GPR17: variants seen among roughly 807,000 people sequenced by gnomAD.
The protein encoded by GPR17 is uracil nucleotide/cysteinyl leukotriene receptor.
A neutral mutation model predicts 1.5 loss-of-function variants in GPR17; 4 were observed. The observed-to-expected ratio is 2.73, with a 90% CI of 1.35 to 6.25. The LOEUF (loss-of-function observed/expected upper bound fraction) is 6.25, where lower values mean the gene tolerates loss of function less well. Among genes scored for constraint, GPR17 ranks in the 30% most tolerant of loss-of-function variants. GPR17 has a pLI of 0.00. For synonymous variants in GPR17, 209 were observed against 207.6 expected (o/e 1.01, Z -0.06); for missense variants, 463 against 462.1 (o/e 1.00, Z -0.02).
At chr2:127,649,183 G>GGAAA (rs1683417600) in intron 1 of GPR17, among the ~76,000 whole-genome samples, 3 of 63,200 alleles carry the variant, frequency 4.7e-5, no homozygotes, top group Non-Finnish European at 1.1e-4. Context: ...AAGGAAGGAA[G>GGAAA]GAAGGAAGGA....
rs368990034 is a variant in GPR17 at position 127,651,780 on chromosome 2, C to T, written c.*25C>T. 1.4e-4 allele frequency: 230 copies of T among 1,601,868 alleles called. No individual in the cohort carries two copies. The highest frequency in any genetic ancestry group is 1.8e-4 in the Non-Finnish European group (212 of 1,172,722). ...AGCGGGGGGCGCCGTCCAGGCCGAG[C>T]GCAGACTGTTTAGGACTCAGCAGAC... On this transcript the variant is annotated 3_prime_UTR_variant, in exon 2 of 2. Transcript: ENST00000486700.
intron 1 of GPR17, chr2:127,649,861 G>A: frequency 1.5e-6 from 1 of 671,424 alleles, no homozygotes; most frequent in Non-Finnish European, 2.5e-6. Flanking sequence ...GCGCTGGCCA[G>A]TGTCTCTGAC....
At position 127,647,252 on chromosome 2, in the gene GPR17, G is replaced by A. The variant is rs548699470; in HGVS notation, c.-21+1008G>A. On this transcript the variant is annotated intron_variant, in intron 1 of 1. Coordinates refer to ENST00000486700, the MANE Select transcript of GPR17 (RefSeq NM_001161417.2). This position sits in a 1 kb window ranked among gnomAD's most constrained non-coding sequence, Gnocchi z 4.3. Reference sequence around the variant, plus strand: ...AGGGAGTGGCCCCAGGGCCAGGAGGGGGTGCTGAGCCTGGGAGACAACTCC... The same window carrying A: ...AGGGAGTGGCCCCAGGGCCAGGAGGAGGTGCTGAGCCTGGGAGACAACTCC... Among the ~76,000 whole-genome samples the A allele has an allele frequency of 3.9e-5, 6 of 152,254 alleles. No homozygotes were observed. The highest frequency in any genetic ancestry group is 4.1e-4 in the South Asian group (2 of 4,828).
At position 127,651,661 on chromosome 2, in the gene GPR17, G is replaced by A; in HGVS notation, c.926G>A (p.Cys309Tyr). Reference sequence around the variant, plus strand: ...GCTGAGAAGTTCCGCCACGCCCTGTGCAACTTGCTCTGTGGCAAAAGGCTC... The same window carrying A: ...GCTGAGAAGTTCCGCCACGCCCTGTACAACTTGCTCTGTGGCAAAAGGCTC... ...FVAEKFRHAL[C>Y]NLLCGKRLKG... The change falls in exon 2 of 2, where the codon TGC becomes TAC. Residue 309 changes from cysteine to tyrosine, a missense_variant. Transcript: ENST00000486700. 1.2e-6 allele frequency: 2 copies of A among 1,613,444 alleles called. No homozygotes were observed. Among genetic ancestry groups the A allele is most frequent in the Non-Finnish European group, 1.7e-6 (2 of 1,180,030 alleles).
chr2:127,651,024 T>C lies in GPR17; in HGVS notation c.289T>C (p.Trp97Arg). ...GGTCTACCACTTCTCTGGGAACCAC[T>C]GGCCATTTGGGGAAATCGCATGCCG... ...RLVYHFSGNH[W>R]PFGEIACRLT... Residue 97 changes from tryptophan to arginine, a missense_variant, in exon 2 of 2, where the codon TGG becomes CGG. By Grantham distance (101) the Trp-to-Arg change is moderately radical. Transcript: ENST00000486700. The C allele has an allele frequency of 6.2e-7, 1 of 1,613,842 alleles. No individual in the cohort carries two copies. Among genetic ancestry groups the C allele is most frequent in the South Asian group, 1.1e-5 (1 of 91,090 alleles).
chr2:127,646,497 C>G (rs192242819), intron 1 of GPR17: 1 of 152,390 alleles, frequency 6.6e-6, no homozygotes, highest in African/African-American at 2.4e-5. Context: ...ATGACAGCAC[C>G]GCTGCCCCTA....
At chr2:127,650,336 TCAGA>T (rs1683601930) in intron 1 of GPR17, 4 of 556,432 alleles carry the variant, frequency 7.2e-6, no homozygotes, top group Middle Eastern at 4.7e-4. Flanking sequence ...CCCCTGTCAC[TCAGA>T]CAGCACACCT....
At chr2:127,650,569 G>A (rs777618335) in intron 1 of GPR17, 147 bp from the exon 2 acceptor site, 8 of 622,118 alleles carry the variant, frequency 1.3e-5, no homozygotes, top group Non-Finnish European at 1.4e-5. Flanking sequence ...AAATGGACAA[G>A]GAGGTCCCCT....
intron 1 of GPR17, 132 bp downstream of exon 1, chr2:127,646,376 T>C (rs1476180596): frequency 6.6e-6 from 1 of 152,206 alleles, no homozygotes; most frequent in Non-Finnish European, 1.5e-5. Flanking sequence ...GTCTGACCTG[T>C]GCATCGAAGG....
chr2:127,650,928 C>A lies in GPR17; in HGVS notation c.193C>A (p.Pro65Thr). The change falls in exon 2 of 2, where the codon CCG becomes ACG. Residue 65 changes from proline (P) to threonine (T), a missense_variant. Coordinates refer to ENST00000486700, the MANE Select transcript of GPR17 (RefSeq NM_001161417.2). ...LFIRDHKSGTPANVFLMHLAV... is the reference protein window; with the variant it reads ...LFIRDHKSGTTANVFLMHLAV... ...CATCCGAGACCACAAGTCCGGGACC[C>A]CGGCCAACGTGTTCCTGATGCATCT... The A allele has an allele frequency of 1.9e-6, 3 of 1,614,050 alleles. No homozygotes were observed. The highest frequency in any genetic ancestry group is 2.5e-6 in the Non-Finnish European group (3 of 1,180,048).
At position 127,650,791 on chromosome 2, in the gene GPR17, C is replaced by A. The variant is rs749378590; in HGVS notation, c.56C>A (p.Thr19Lys). 6.2e-7 allele frequency: 1 copy of A among 1,613,700 alleles called. No homozygotes were observed. Among genetic ancestry groups the A allele is most frequent in the Non-Finnish European group, 8.5e-7 (1 of 1,179,680 alleles). The change falls in exon 2 of 2, where the codon ACG (threonine) becomes AAG (lysine). Residue 19 changes from threonine to lysine, a missense_variant. Physicochemically the swap from Thr to Lys is moderately conservative, Grantham distance 78 (BLOSUM62 -1). Coordinates refer to ENST00000486700, the MANE Select transcript of GPR17 (RefSeq NM_001161417.2). ...PGLITNFSLA[T>K]AEQCGQETPL... ...CTGATCACCAACTTCTCCCTGGCCA[C>A]GGCAGAGCAATGTGGCCAGGAGACG... is the stretch of plus-strand genomic sequence containing the variant.
intron 1 of GPR17, among the ~76,000 whole-genome samples, chr2:127,648,470 G>A (rs1292035236): frequency 1.3e-5 from 2 of 152,074 alleles, no homozygotes; most frequent in African/African-American, 4.8e-5. Flanking sequence ...CTAGGGCTAG[G>A]GCCACCACCA....
Position 127,647,810 on chromosome 2 carries a change from G to A in GPR17, c.-21+1566G>A, listed in dbSNP as rs905430958. 1.8e-4 allele frequency among the ~76,000 whole-genome samples: 28 copies of A among 151,860 alleles called. No homozygotes were observed. The highest frequency in any genetic ancestry group is 2.9e-4 in the Non-Finnish European group (20 of 67,954). On this transcript the variant is annotated intron_variant, in intron 1 of 1. Transcript: ENST00000486700. The surrounding 1 kb of genome is among the most constrained non-coding windows in gnomAD (Gnocchi z 4.3). The stretch of plus-strand genomic sequence containing the variant: ...CTGGAGCCCTGTTCCTCCAGTCTCC[G>A]GGTCCTCACCCCCAGCACATGCAAC...
At chr2:127,650,677 T>C (rs1683655598) in intron 1 of GPR17, 39 bp from the exon 2 acceptor site, 2 of 1,429,864 alleles carry the variant, frequency 1.4e-6, no homozygotes, top group East Asian at 2.3e-5. Flanking sequence ...GCTGCCTAGA[T>C]CGCAAGCTCA....
chr2:127,651,085 C>T lies in GPR17; in HGVS notation c.350C>T (p.Ala117Val). Residue 117 changes from alanine to valine, a missense_variant, in exon 2 of 2, where the codon GCC becomes GTC. Transcript: ENST00000486700. The part of the protein sequence containing the change: ...TGFLFYLNMY[A>V]SIYFLTCISA... ...TTCCTCTTCTACCTCAACATGTACGCCAGCATCTACTTCCTCACCTGCATC... is the reference window on the plus strand; with the variant it reads ...TTCCTCTTCTACCTCAACATGTACGTCAGCATCTACTTCCTCACCTGCATC... 1 of 1,613,742 alleles carries T rather than the reference C, an allele frequency of 6.2e-7. No homozygotes were observed. The highest frequency in any genetic ancestry group is 1.1e-5 in the South Asian group (1 of 91,090).
At position 127,651,254 on chromosome 2, in the gene GPR17, G is replaced by A. The variant is rs1259137879; in HGVS notation, c.519G>A (p.Val173=). The change falls in exon 2 of 2, where the codon GTG becomes GTA. Residue 173 remains valine, a synonymous_variant. Coordinates refer to ENST00000486700, the MANE Select transcript of GPR17 (RefSeq NM_001161417.2). ...MAPLLVSPQT[V]QTNHTVVCLQ... ...CGCTGCTGGTGAGCCCACAGACCGT[G>A]CAGACCAACCACACGGTGGTCTGCC... 4.4e-6 allele frequency: 7 copies of A among 1,606,550 alleles called. No individual in the cohort carries two copies. The highest frequency in any genetic ancestry group is 5.9e-6 in the Non-Finnish European group (7 of 1,179,436).
intron 1 of GPR17, among the ~76,000 whole-genome samples, chr2:127,649,210 A>AGGAAGGAAGGAAGGAAGGAAGGAAGGGC (rs1683428442): frequency 6.7e-6 from 1 of 148,296 alleles, no homozygotes; most frequent in Non-Finnish European, 1.5e-5. Flanking sequence ...GAAGGAAGGA[A>AGGAAGGAAGGAAGGAAGGAAGGAAGGGC]GGGCAGGGAG....
chr2:127,647,952 C>T lies in GPR17; in HGVS notation c.-21+1708C>T, dbSNP rs1222989606. 1 of 911,776 alleles carries T rather than the reference C, an allele frequency of 1.1e-6. No homozygotes were observed. The highest frequency in any genetic ancestry group is 1.3e-6 in the Non-Finnish European group (1 of 762,718). 56.5% of individuals were successfully genotyped at this position (911,776 alleles called of 1,614,324 possible). On this transcript the variant is annotated intron_variant, in intron 1 of 1. Coordinates refer to ENST00000486700, the MANE Select transcript of GPR17 (RefSeq NM_001161417.2). This position sits in a 1 kb window ranked among gnomAD's most constrained non-coding sequence, Gnocchi z 4.3. ...GGGCTGTGTTCCTCCCTCCTTTTAC[C>T]TCTCCTCCACAGCCCCCTTCACAGC...
At chr2:127,649,751 T>C (rs1281576737) in intron 1 of GPR17, among the ~76,000 whole-genome samples, 5 of 152,208 alleles carry the variant, frequency 3.3e-5, no homozygotes, top group African/African-American at 9.6e-5. Context: ...GGACATGACT[T>C]GTTACCCAGG....
Sources: gnomAD v4.1 joint callset for allele counts (sites outside exome capture counted in the v4.1 genomes callset) on GRCh38, gnomAD v4.1.1 for gene constraint, Gnocchi (gnomAD v3.1) non-coding constraint, MANE v1.5 for transcripts, NCBI Gene and HGNC (gene_info 2026-07-23, HGNC 2026-07-21) for gene names.